Variants in CNRIP1 observed in about 807,000 individuals in gnomAD.
CNRIP1 encodes cannabinoid receptor interacting protein 1, also known as CB1 cannabinoid receptor-interacting protein 1.
Under a neutral mutation model 15.2 loss-of-function variants are expected in CNRIP1, and 10 were observed. The ratio of observed to expected loss-of-function variants is 0.66; its 90% CI spans 0.41 to 1.12. The LOEUF (loss-of-function observed/expected upper bound fraction) is 1.12, where lower values mean the gene tolerates loss of function less well. CNRIP1 is among the 50% of genes most tolerant of loss of function. The pLI is 0.00. For synonymous variants in CNRIP1, 91 were observed against 83.2 expected (o/e 1.09, Z -0.51); for missense variants, 211 against 214.7 (o/e 0.98, Z 0.11).
At chr2:68,305,259 A>AAATATAT (rs1267101468) in intron 2 of CNRIP1, among the ~76,000 whole-genome samples, 1 of 100,366 alleles carries the variant, frequency 1.0e-5, no homozygotes, top group African/African-American at 3.6e-5. Context: ...AAAAAAAAAA[A>AAATATAT]ATATATATAT....
intron 2 of CNRIP1, among the ~76,000 whole-genome samples, chr2:68,294,802 T>A (rs1255824505): frequency 6.6e-6 from 1 of 152,222 alleles, no homozygotes; most frequent in African/African-American, 2.4e-5. Flanking sequence ...AGAACCATAT[T>A]TGAGTATCTG....
At chr2:68,292,300 A>G (rs1558660530), downstream of CNRIP1, among the ~76,000 whole-genome samples, 2 of 152,206 alleles carry the variant, frequency 1.3e-5, no homozygotes, top group African/African-American at 2.4e-5. Context: ...ATCATTTATG[A>G]TCCCCAAAGG....
chr2:68,319,626 C>A lies in CNRIP1; in HGVS notation c.-226G>T. The A allele has an allele frequency of 2.0e-6, 1 of 503,012 alleles. No individual in the cohort carries two copies. The highest frequency in any genetic ancestry group is 3.5e-6 in the Non-Finnish European group (1 of 287,608). The allele number at this position is 503,012 out of a possible 1,614,324, so 31.2% of individuals were successfully genotyped here. Reference sequence around the variant, plus strand: ...CCTCCCCACTCGGCGAGGAAGCGGGCCCAAGAGACGGCTCCAAGGCCGCGC... The same window carrying A: ...CCTCCCCACTCGGCGAGGAAGCGGGACCAAGAGACGGCTCCAAGGCCGCGC... On this transcript the variant is annotated 5_prime_UTR_variant, in exon 1 of 3. Transcript: ENST00000263655.
chr2:68,300,478 G>T (rs1031776542), intron 2 of CNRIP1, among the ~76,000 whole-genome samples: 1 of 152,162 alleles, frequency 6.6e-6, no homozygotes, highest in South Asian at 2.1e-4. Context: ...TTAGCCGGGC[G>T]TGGTGGTGGG....
chr2:68,314,110 T>A (rs1672190179), intron 2 of CNRIP1, among the ~76,000 whole-genome samples: 1 of 152,104 alleles, frequency 6.6e-6, no homozygotes, highest in African/African-American at 2.4e-5. Context: ...CAGCACTACT[T>A]TTTTGCTATA....
At chr2:68,301,022 C>T (rs1167781744) in intron 2 of CNRIP1, among the ~76,000 whole-genome samples, 1 of 152,178 alleles carries the variant, frequency 6.6e-6, no homozygotes, top group Admixed American at 6.5e-5. Flanking sequence ...TTTCAGACAG[C>T]AGACAGAACA....
At chr2:68,297,107 C>T (rs1348291796) in intron 2 of CNRIP1, among the ~76,000 whole-genome samples, 10 of 151,588 alleles carry the variant, frequency 6.6e-5, no homozygotes, top group South Asian at 2.1e-4. Flanking sequence ...CAAAATTTAA[C>T]GATTACTTTA....
Position 68,293,315 on chromosome 2 carries a change from G to C in CNRIP1, c.*547C>G. 1.0e-6 allele frequency: 1 copy of C among 986,000 alleles called. No individual in the cohort carries two copies. Among genetic ancestry groups the C allele is most frequent in the Non-Finnish European group, 1.2e-6 (1 of 830,316 alleles). The allele number at this position is 986,000 out of a possible 1,614,324, so 61.1% of individuals were successfully genotyped here. A position where few individuals can be genotyped will look rare whatever the true frequency, so the allele number is the denominator to read the frequency against. On this transcript the variant is annotated 3_prime_UTR_variant, in exon 3 of 3. Coordinates refer to ENST00000263655, the MANE Select transcript of CNRIP1 (RefSeq NM_015463.3). ...AGTTTGTTACCATCCTTCCCTGAAA[G>C]AGCGGAGCTGTTTATAGGAAGCACA...
intron 2 of CNRIP1, among the ~76,000 whole-genome samples, chr2:68,286,057 T>G (rs17035187): frequency 0.083 from 12,673 of 152,218 alleles, 797 homozygotes; most frequent in East Asian, 0.19. Context: ...GTACTTACGT[T>G]GTCTTTTCAG....
intron 2 of CNRIP1, among the ~76,000 whole-genome samples, chr2:68,302,910 G>C (rs193070939): frequency 4.0e-4 from 58 of 146,602 alleles, no homozygotes; most frequent in African/African-American, 1.1e-3. Context: ...GCAGTGGTGC[G>C]ATCTCGGCTC....
chr2:68,306,467 A>T (rs1671850005), intron 2 of CNRIP1, among the ~76,000 whole-genome samples: 1 of 152,128 alleles, frequency 6.6e-6, no homozygotes, highest in African/African-American at 2.4e-5. Flanking sequence ...GGCCACTTTT[A>T]GCTCTATCAT....
intron 1 of CNRIP1, among the ~76,000 whole-genome samples, chr2:68,318,861 T>C (rs961497143): frequency 4.6e-5 from 7 of 152,314 alleles, no homozygotes; most frequent in Middle Eastern, 3.4e-3. Context: ...GGCTGAACCC[T>C]GCGGACCTCT....
chr2:68,289,159 CT>C (rs1215345955), downstream of CNRIP1, among the ~76,000 whole-genome samples: 2 of 152,080 alleles, frequency 1.3e-5, no homozygotes, highest in African/African-American at 4.8e-5. Flanking sequence ...TTGACCTTGA[CT>C]TTTTAATCAG....
chr2:68,284,517 G>A, intron 2 of CNRIP1: 1 of 1,452,954 alleles, frequency 6.9e-7, no homozygotes, highest in Non-Finnish European at 9.3e-7. Flanking sequence ...ATAAGTTTGA[G>A]AAAACCACAG....
At chr2:68,305,682 T>G (rs544356489) in intron 2 of CNRIP1, among the ~76,000 whole-genome samples, 48 of 149,660 alleles carry the variant, frequency 3.2e-4, no homozygotes, top group South Asian at 2.3e-3. Context: ...TGTAGTCCCA[T>G]CTACTCGGGA....
chr2:68,296,441 A>C (rs1671359510), intron 2 of CNRIP1, among the ~76,000 whole-genome samples: 1 of 152,004 alleles, frequency 6.6e-6, no homozygotes, highest in South Asian at 2.1e-4. Flanking sequence ...TGTGAGACTG[A>C]GATAGGAGGA....
intron 2 of CNRIP1, among the ~76,000 whole-genome samples, chr2:68,308,975 T>A (rs1285926226): frequency 6.6e-6 from 1 of 151,970 alleles, no homozygotes; most frequent in Admixed American, 6.6e-5. Flanking sequence ...ATTCTCAGTT[T>A]CCCAGAAGAA....
chr2:68,305,011 G>T (rs12473811), intron 2 of CNRIP1, among the ~76,000 whole-genome samples: 1 of 151,870 alleles, frequency 6.6e-6, no homozygotes, highest in African/African-American at 2.4e-5. Flanking sequence ...TTGCGAAGCC[G>T]AGGGGTGTGG....
chr2:68,304,088 A>C (rs1671717976), intron 2 of CNRIP1, among the ~76,000 whole-genome samples: 1 of 151,368 alleles, frequency 6.6e-6, no homozygotes, highest in Non-Finnish European at 1.5e-5. Flanking sequence ...ACAAACAAAA[A>C]AAACAAACAA....
Sources: allele counts gnomAD v4.1 joint callset (sites outside exome capture counted in the v4.1 genomes callset), GRCh38; gene constraint gnomAD v4.1.1; transcripts MANE v1.5; gene names NCBI Gene and HGNC (gene_info 2026-07-23, HGNC 2026-07-21).